The following CYFIP1 variants were observed in gnomAD, a reference collection of about 807,000 sequenced individuals.
The protein encoded by CYFIP1 is cytoplasmic FMR1-interacting protein 1.
Under a neutral mutation model 163.5 loss-of-function variants are expected in CYFIP1, and 58 were observed. The observed-to-expected ratio is 0.35, with a 90% CI of 0.29 to 0.44. The LOEUF (loss-of-function observed/expected upper bound fraction) is 0.44. CYFIP1 is among the 20% of genes least tolerant of loss of function. CYFIP1 has a pLI of 1.00. For synonymous variants in CYFIP1, 663 were observed against 660.7 expected (o/e 1.00, Z -0.05); for missense variants, 1,338 against 1,653.8 (o/e 0.81, Z 3.31).
In CYFIP1 at chr15:22,917,256, T is replaced by G; in HGVS notation, c.1674+532A>C. 1 of 1,390,926 alleles carries G rather than the reference T, an allele frequency of 7.2e-7. No homozygotes were observed. The highest frequency in any genetic ancestry group is 9.3e-7 in the Non-Finnish European group (1 of 1,079,284). The allele number at this position is 1,390,926 out of a possible 1,614,324, so 86.2% of individuals were successfully genotyped here. A position where few individuals can be genotyped will look rare whatever the true frequency, so the allele number is the denominator to read the frequency against. On this transcript the variant is annotated intron_variant, in intron 15 of 30. Transcript: ENST00000617928. The surrounding 1 kb of genome is among the most constrained non-coding windows in gnomAD (Gnocchi z 4.2). The stretch of plus-strand genomic sequence containing the variant: ...AGAGATTAAAAGCCTCCGGCAGAGA[T>G]GAGGGAGAAGACCAGCCCCAGGACG...
intron 1 of CYFIP1, among the ~76,000 whole-genome samples, chr15:22,962,165 T>C (rs1311117798): frequency 6.6e-6 from 1 of 152,108 alleles, no homozygotes; most frequent in Non-Finnish European, 1.5e-5. Flanking sequence ...AGCAAACTGA[T>C]TGGTAGTAGG....
At chr15:22,894,287 T>C (rs1053295787) in intron 22 of CYFIP1, among the ~76,000 whole-genome samples, 41 of 141,080 alleles carry the variant, frequency 2.9e-4, no homozygotes, top group East Asian at 4.1e-4. Flanking sequence ...TCTTTTTTTT[T>C]TTTTTTTTTT....
chr15:22,968,050 C>T (rs761691010), intron 1 of CYFIP1, among the ~76,000 whole-genome samples: 33 of 152,032 alleles, frequency 2.2e-4, no homozygotes, highest in Non-Finnish European at 4.4e-4. Flanking sequence ...GCAGGAGAAT[C>T]GCTTGAACCA....
chr15:22,947,305 T>TA lies in CYFIP1; in HGVS notation c.-6-15dup, dbSNP rs746925890. The TA allele has an allele frequency of 4.3e-6, 7 of 1,611,774 alleles. No homozygotes were observed. The East Asian group carries it at 1.1e-4, about 26-fold the overall frequency. ...CGCCATCCTGGGCTGGAACAACACA[T>TA]AAGGACCCCTGTTCTGTGAGGAGAA... On this transcript the variant is annotated splice_polypyrimidine_tract_variant and intron_variant, in intron 1 of 30. Coordinates refer to ENST00000617928, the MANE Select transcript of CYFIP1 (RefSeq NM_014608.6).
At chr15:22,888,461 G>T (rs774695376) in intron 23 of CYFIP1, among the ~76,000 whole-genome samples, 1 of 151,980 alleles carries the variant, frequency 6.6e-6, no homozygotes, top group Non-Finnish European at 1.5e-5. Flanking sequence ...GACTAGGCAC[G>T]GTGGCTCACG....
intron 1 of CYFIP1, among the ~76,000 whole-genome samples, chr15:22,970,986 G>T (rs561491968): frequency 5.9e-5 from 9 of 152,194 alleles, no homozygotes; most frequent in African/African-American, 2.2e-4. Context: ...TGAGGCAGGA[G>T]AATCGCTTGA....
At position 22,873,229 on chromosome 15, in the gene CYFIP1, C is replaced by T. The variant is rs1529794; in HGVS notation, c.3450-257G>A. ...CATATCCCCTCTGTGATGAATGACTCTATGGACCTCCCACCTAGAAAAATG... is the reference window on the plus strand; with the variant it reads ...CATATCCCCTCTGTGATGAATGACTTTATGGACCTCCCACCTAGAAAAATG... On this transcript the variant is annotated intron_variant, in intron 29 of 30. Transcript: ENST00000617928. Among the ~76,000 whole-genome samples the T allele has an allele frequency of 1.6e-3, 243 of 152,306 alleles. 9 individuals carry two copies. In the East Asian group the frequency reaches 0.041, roughly 26 times the overall value.
chr15:22,913,527 CA>C (rs35228444), intron 17 of CYFIP1, among the ~76,000 whole-genome samples: 183 of 10,264 alleles, frequency 0.018, no homozygotes, highest in African/African-American at 0.038. Context: ...GGCTCTGTCT[CA>C]AAAAAAAAAA....
rs961985351 is a variant in CYFIP1, at chr15:22,867,455, G to A, written c.*2573C>T. On this transcript the variant is annotated 3_prime_UTR_variant, in exon 31 of 31. Transcript: ENST00000617928. The stretch of plus-strand genomic sequence containing the variant: ...AGGTTGAGATGATCACCGTGAATCC[G>A]GCTTCCTCTGAGCATTCGATGGCCT... 2.9e-6 allele frequency: 1 copy of A among 347,572 alleles called. No individual in the cohort carries two copies. The highest frequency in any genetic ancestry group is 1.5e-4 in the South Asian group (1 of 6,530). 21.5% of individuals were successfully genotyped at this position (347,572 alleles called of 1,614,324 possible).
intron 23 of CYFIP1, among the ~76,000 whole-genome samples, chr15:22,883,934 C>T (rs1367976095): frequency 3.3e-5 from 5 of 151,816 alleles, no homozygotes. Context: ...ACCTTCTTCA[C>T]AAGAAGGCAG....
intron 23 of CYFIP1, among the ~76,000 whole-genome samples, chr15:22,889,677 G>T (rs1027834949): frequency 6.6e-6 from 1 of 152,146 alleles, no homozygotes; most frequent in Non-Finnish European, 1.5e-5. Flanking sequence ...TCTCCAGATG[G>T]GGGTGACAGA....
intron 8 of CYFIP1, among the ~76,000 whole-genome samples, chr15:22,938,489 C>T (rs1488835254): frequency 6.6e-6 from 1 of 152,020 alleles, no homozygotes; most frequent in Non-Finnish European, 1.5e-5. Flanking sequence ...CCTGTGGTCC[C>T]AGTTACTCAG....
chr15:22,916,130 A>C (rs1417084533), intron 16 of CYFIP1, among the ~76,000 whole-genome samples: 1 of 152,148 alleles, frequency 6.6e-6, no homozygotes, highest in African/African-American at 2.4e-5. Flanking sequence ...CCTTCCCCCC[A>C]CGTCATGGTC....
chr15:22,912,235 G>A lies in CYFIP1; in HGVS notation c.2026C>T (p.His676Tyr). The change falls in exon 18 of 31, where the codon CAC (histidine) becomes TAC (tyrosine). Residue 676 changes from histidine (H) to tyrosine (Y), a missense_variant. His to Tyr is a moderately conservative substitution (Grantham distance 83). Transcript: ENST00000617928. ...YSLDLYNDSAHYALTRFNKQF... is the reference protein window; with the variant it reads ...YSLDLYNDSAYYALTRFNKQF... ...TTGTTGAACCTGGTGAGCGCGTAGTGGGCGCTGTCATTGTACAGGTCCAGG... is the reference window on the plus strand; with the variant it reads ...TTGTTGAACCTGGTGAGCGCGTAGTAGGCGCTGTCATTGTACAGGTCCAGG... The A allele has an allele frequency of 6.2e-7, 1 of 1,613,996 alleles. No homozygotes were observed. The highest frequency in any genetic ancestry group is 8.5e-7 in the Non-Finnish European group (1 of 1,179,952).
At chr15:22,911,383 C>G (rs568838025) in intron 18 of CYFIP1, among the ~76,000 whole-genome samples, 1 of 152,160 alleles carries the variant, frequency 6.6e-6, no homozygotes, top group African/African-American at 2.4e-5. Flanking sequence ...GCAGTGACCA[C>G]GAGGAGCTAC....
rs191627549 is a variant in CYFIP1 at position 22,939,762 on chromosome 15, G to A, written c.570-255C>T. On this transcript the variant is annotated intron_variant, in intron 6 of 30. Coordinates refer to ENST00000617928, the MANE Select transcript of CYFIP1 (RefSeq NM_014608.6). ...ACAGCTCTCCACCCGGCTGGTCACA[G>A]CTGACGGCTCCCTGCAGGGTCCCTG... 5.3e-3 allele frequency among the ~76,000 whole-genome samples: 799 copies of A among 152,158 alleles called. 5 individuals carry two copies. The highest frequency in any genetic ancestry group is 0.018 in the African/African-American group (752 of 41,498).
intron 1 of CYFIP1, among the ~76,000 whole-genome samples, chr15:22,971,151 A>C (rs1490396585): frequency 6.6e-6 from 1 of 152,222 alleles, no homozygotes; most frequent in Non-Finnish European, 1.5e-5. Context: ...CGGATCTAAA[A>C]CTATAAAACT....
At position 22,868,929 on chromosome 15, in the gene CYFIP1, CCATTCAGTT is replaced by C. The variant is rs2059339386; in HGVS notation, c.*1090_*1098del. 1.9e-5 allele frequency: 1 copy of C among 53,792 alleles called. No homozygotes were observed. The highest frequency in any genetic ancestry group is 3.4e-5 in the Non-Finnish European group (1 of 29,054). 3.3% of individuals were successfully genotyped at this position (53,792 alleles called of 1,614,324 possible). ...CAATAAACAGGCATAGCATCTTTTTCCATTCAGTTAGTTAGGATTTTCAGAACCTCATTG... is the reference window on the plus strand; with the variant it reads ...CAATAAACAGGCATAGCATCTTTTTCAGTTAGGATTTTCAGAACCTCATTG... On this transcript the variant is annotated 3_prime_UTR_variant, in exon 31 of 31. Coordinates refer to ENST00000617928, the MANE Select transcript of CYFIP1 (RefSeq NM_014608.6).
chr15:22,891,074 C>A (rs1379947175), intron 23 of CYFIP1, among the ~76,000 whole-genome samples: 1 of 150,916 alleles, frequency 6.6e-6, no homozygotes, highest in African/African-American at 2.4e-5. Flanking sequence ...TAGAGAGGAT[C>A]TGAATTGTAT....
Sources: gnomAD v4.1 joint callset for allele counts (sites outside exome capture counted in the v4.1 genomes callset) on GRCh38, gnomAD v4.1.1 for gene constraint, Gnocchi (gnomAD v3.1) non-coding constraint, MANE v1.5 for transcripts, NCBI Gene and HGNC (gene_info 2026-07-23, HGNC 2026-07-21) for gene names.